PSMA8: variants seen among roughly 807,000 people sequenced by gnomAD.
PSMA8 encodes proteasome 20S subunit alpha 8, also known as proteasome subunit alpha-type 8.
A neutral mutation model predicts 32.4 loss-of-function variants in PSMA8; 18 were observed. The observed-to-expected ratio is 0.56, with a 90% confidence interval of 0.38 to 0.82. The LOEUF is 0.82. PSMA8 is among the 40% of genes least tolerant of loss of function. The pLI is 0.00. For missense variants in PSMA8, 298 were observed against 300.7 expected (o/e 0.99, Z 0.07); for synonymous variants, 104 against 98.1 (o/e 1.06, Z -0.36).
At chr18:26,178,122 G>A (rs1568068738) in intron 4 of PSMA8, among the ~76,000 whole-genome samples, 2 of 152,142 alleles carry the variant, frequency 1.3e-5, no homozygotes, top group East Asian at 3.9e-4. Flanking sequence ...GGAGTCTGAG[G>A]TAGGAAGATA....
chr18:26,171,059 G>A (rs1281421123), intron 4 of PSMA8: 1 of 1,558,766 alleles, frequency 6.4e-7, no homozygotes, highest in Non-Finnish European at 8.5e-7. Flanking sequence ...GTTCTCTGCT[G>A]AGAACTAAAT....
At chr18:26,181,999 A>C (rs1036491645) in intron 6 of PSMA8, among the ~76,000 whole-genome samples, 2 of 152,104 alleles carry the variant, frequency 1.3e-5, no homozygotes, top group East Asian at 1.9e-4. Context: ...AACCAGCCAC[A>C]ACATTCCTCT....
Position 26,144,681 on chromosome 18 carries a change from T to A in PSMA8, c.225T>A (p.Phe75Leu), listed in dbSNP as rs2054988261. The change falls in exon 2 of 7, where the codon TTT (phenylalanine) becomes TTA (leucine). Residue 75 changes from phenylalanine to leucine, a missense_variant. Coordinates refer to ENST00000415576, the MANE Select transcript of PSMA8 (RefSeq NM_001025096.2). Reference sequence around the variant, plus strand: ...TTGATGACCATGTCTGCATGGCTTTTGCAGGTACTTAAGGTCCTACAATAA... The same window carrying A: ...TTGATGACCATGTCTGCATGGCTTTAGCAGGTACTTAAGGTCCTACAATAA... ...CALDDHVCMA[F>L]AGLTADARVV... 1 of 1,613,760 alleles carries A rather than the reference T, an allele frequency of 6.2e-7. No homozygotes were observed. Among genetic ancestry groups the A allele is most frequent in the South Asian group, 1.1e-5 (1 of 91,068 alleles).
chr18:26,183,333 C>T lies in PSMA8; in HGVS notation c.660+4203C>T, dbSNP rs1394272780. On this transcript the variant is annotated intron_variant, in intron 6 of 6. Coordinates refer to ENST00000415576, the MANE Select transcript of PSMA8 (RefSeq NM_001025096.2). ...CTTGAACCTGGGAGGCAGAGGTTGC[C>T]GTGAGCCAAGATCGCACCATTGCAG... 3.3e-5 allele frequency among the ~76,000 whole-genome samples: 5 copies of T among 149,778 alleles called. 1 individual carries two copies. Among genetic ancestry groups the T allele is most frequent in the Admixed American group, 6.6e-5 (1 of 15,066 alleles).
At chr18:26,156,944 G>A (rs1385239126) in intron 3 of PSMA8, among the ~76,000 whole-genome samples, 1 of 150,664 alleles carries the variant, frequency 6.6e-6, no homozygotes, top group Non-Finnish European at 1.5e-5. Context: ...ACACCACCAT[G>A]CCTGGCTAAT....
chr18:26,137,282 G>A (rs2054919159), intron 1 of PSMA8, among the ~76,000 whole-genome samples: 1 of 152,002 alleles, frequency 6.6e-6, no homozygotes, highest in Non-Finnish European at 1.5e-5. Context: ...ACATGGTGAT[G>A]CCCCATCTCT....
intron 1 of PSMA8, among the ~76,000 whole-genome samples, chr18:26,141,544 A>G (rs2054955743): frequency 6.6e-6 from 1 of 152,098 alleles, no homozygotes; most frequent in Non-Finnish European, 1.5e-5. Flanking sequence ...CATATTCCCT[A>G]TAAAGTTTAA....
chr18:26,178,765 T>C, intron 4 of PSMA8, 65 bp from the exon 5 acceptor site: 2 of 1,464,330 alleles, frequency 1.4e-6, no homozygotes, highest in Non-Finnish European at 1.9e-6. Flanking sequence ...CTCTAAACTT[T>C]ACTTAGTAAC....
intron 1 of PSMA8, chr18:26,139,965 A>G: frequency 1.5e-6 from 1 of 683,686 alleles, no homozygotes; most frequent in Non-Finnish European, 2.7e-6. Flanking sequence ...TAGCTTACTG[A>G]GCTTTTAAAA....
chr18:26,159,751 T>C (rs2055120561), intron 4 of PSMA8, among the ~76,000 whole-genome samples: 1 of 152,046 alleles, frequency 6.6e-6, no homozygotes, highest in Non-Finnish European at 1.5e-5. Flanking sequence ...GGTCTGAAAC[T>C]CTGCTCTGCT....
intron 4 of PSMA8, among the ~76,000 whole-genome samples, chr18:26,172,080 C>T (rs1394917635): frequency 1.3e-5 from 2 of 152,170 alleles, no homozygotes; most frequent in Non-Finnish European, 2.9e-5. Flanking sequence ...TGCCCTTTAT[C>T]TGAGGAATGA....
intron 6 of PSMA8, among the ~76,000 whole-genome samples, chr18:26,187,032 TGCCA>T (rs1481496982): frequency 2.6e-5 from 4 of 152,196 alleles, no homozygotes; most frequent in Non-Finnish European, 5.9e-5. Context: ...TCTCATTTAA[TGCCA>T]GGATTCTTCC....
At chr18:26,137,186 G>GT (rs1426866937) in intron 1 of PSMA8, among the ~76,000 whole-genome samples, 3 of 152,192 alleles carry the variant, frequency 2.0e-5, no homozygotes, top group Admixed American at 2.0e-4. Flanking sequence ...GGCTGGGCGT[G>GT]GTGGCTGATG....
rs772646755 is a variant in PSMA8, at chr18:26,144,635, C to T, written c.179C>T (p.Thr60Ile). The change falls in exon 2 of 7, where the codon ACT becomes ATT. Residue 60 changes from threonine to isoleucine, a missense_variant. Coordinates refer to ENST00000415576, the MANE Select transcript of PSMA8 (RefSeq NM_001025096.2). Reference sequence around the variant, plus strand: ...GTTGCCAAGCTTCAAGATGAAAGAACTGTGAGGAAAATTTGTGCCCTTGAT... The same window carrying T: ...GTTGCCAAGCTTCAAGATGAAAGAATTGTGAGGAAAATTTGTGCCCTTGAT... ...KSVAKLQDER[T>I]VRKICALDDH... 1 of 1,613,874 alleles carries T rather than the reference C, an allele frequency of 6.2e-7. No homozygotes were observed. The highest frequency in any genetic ancestry group is 8.5e-7 in the Non-Finnish European group (1 of 1,179,910).
intron 4 of PSMA8, among the ~76,000 whole-genome samples, chr18:26,170,281 T>C (rs1016694178): frequency 7.6e-6 from 1 of 131,104 alleles, no homozygotes; most frequent in Non-Finnish European, 1.5e-5. Context: ...TTCCAGGTTG[T>C]TTTCAATTTT....
chr18:26,134,339 G>GT lies in PSMA8; in HGVS notation c.102+272_102+273insT, dbSNP rs1491523876. Among the ~76,000 whole-genome samples, 1,105 of 142,460 alleles carry GT rather than the reference G, an allele frequency of 7.8e-3. 15 individuals carry two copies. Among genetic ancestry groups the GT allele is most frequent in the African/African-American group, 0.029 (1,063 of 36,308 alleles). 93.5% of individuals were successfully genotyped at this position (142,460 alleles called of 152,430 possible). On this transcript the variant is annotated intron_variant, in intron 1 of 6. Coordinates refer to ENST00000415576, the MANE Select transcript of PSMA8 (RefSeq NM_001025096.2). ...AGACGCAAAACTAGGGTGTGTGTGTGGGTGTGTGTGTGTGTGTGTGTGTGT... is the reference window on the plus strand; with the variant it reads ...AGACGCAAAACTAGGGTGTGTGTGTGTGGTGTGTGTGTGTGTGTGTGTGTGT...
At chr18:26,163,575 A>G (rs1302759014) in intron 4 of PSMA8, among the ~76,000 whole-genome samples, 1 of 152,184 alleles carries the variant, frequency 6.6e-6, no homozygotes. Flanking sequence ...CAAAATCTCA[A>G]ACTTTTTGAG....
intron 6 of PSMA8, among the ~76,000 whole-genome samples, chr18:26,183,835 C>G (rs1248177660): frequency 1.3e-5 from 2 of 150,546 alleles, no homozygotes; most frequent in African/African-American, 2.5e-5. Context: ...AAGGAAGAGT[C>G]TATCAATGTG....
chr18:26,150,906 A>G (rs950192671), intron 2 of PSMA8, among the ~76,000 whole-genome samples: 1 of 152,172 alleles, frequency 6.6e-6, no homozygotes, highest in Non-Finnish European at 1.5e-5. Context: ...GTTTGATCAT[A>G]TTTCAAATTG....
Sources: gnomAD v4.1 joint callset for allele counts (sites outside exome capture counted in the v4.1 genomes callset) on GRCh38, gnomAD v4.1.1 for gene constraint, MANE v1.5 for transcripts, NCBI Gene and HGNC (gene_info 2026-07-23, HGNC 2026-07-21) for gene names.